The following GLIS3 variants were observed in gnomAD, a reference collection of about 807,000 sequenced individuals.
The protein encoded by GLIS3 is zinc finger protein GLIS3.
GLIS3 carries 53 observed loss-of-function variants against 78.6 expected under a neutral mutation model. That is an observed-to-expected ratio of 0.67 (90% CI 0.54 to 0.85). The LOEUF (loss-of-function observed/expected upper bound fraction) is 0.85, where lower values mean the gene tolerates loss of function less well. GLIS3 is among the 40% of genes least tolerant of loss of function. GLIS3 has a pLI of 0.00. For synonymous variants in GLIS3, 684 were observed against 509.9 expected (o/e 1.34, Z -4.60); for missense variants, 1,703 against 1,231.1 (o/e 1.38, Z -5.74).
intron 4 of GLIS3, among the ~76,000 whole-genome samples, chr9:4,056,456 T>C (rs1452026498): frequency 6.6e-6 from 1 of 152,166 alleles, no homozygotes; most frequent in East Asian, 1.9e-4. Flanking sequence ...CCATTTAGAA[T>C]TGAAAGTTTC....
chr9:4,179,592 A>G (rs1374678100), intron 2 of GLIS3, among the ~76,000 whole-genome samples: 1 of 152,156 alleles, frequency 6.6e-6, no homozygotes, highest in African/African-American at 2.4e-5. Flanking sequence ...AAGAAATATA[A>G]GCCTTTAAAG....
chr9:4,151,435 G>C (rs943133539), intron 2 of GLIS3, among the ~76,000 whole-genome samples: 2 of 152,194 alleles, frequency 1.3e-5, no homozygotes, highest in Non-Finnish European at 2.9e-5. Flanking sequence ...ATCTGCCACT[G>C]AACCAACATT....
intron 4 of GLIS3, among the ~76,000 whole-genome samples, chr9:4,100,064 G>A (rs1203704150): frequency 6.6e-6 from 1 of 152,182 alleles, no homozygotes; most frequent in Non-Finnish European, 1.5e-5. Flanking sequence ...ACATACTACA[G>A]AAGAATGTTT....
intron 4 of GLIS3, among the ~76,000 whole-genome samples, chr9:4,095,572 G>A (rs1412332237): frequency 6.6e-6 from 1 of 152,142 alleles, no homozygotes; most frequent in Non-Finnish European, 1.5e-5. Context: ...AAGAGTCTGG[G>A]CCTAAGAAAG....
intron 2 of GLIS3, among the ~76,000 whole-genome samples, chr9:4,232,004 T>C (rs1466537913): frequency 6.6e-6 from 1 of 152,160 alleles, no homozygotes; most frequent in Non-Finnish European, 1.5e-5. Context: ...GAAAAATAAT[T>C]TCACTCAACA....
chr9:4,345,461 A>G (rs73388132), intron 2 of GLIS3, among the ~76,000 whole-genome samples: 2 of 152,186 alleles, frequency 1.3e-5, no homozygotes, highest in Non-Finnish European at 2.9e-5. Flanking sequence ...ATGCAAGTTC[A>G]TGAGGTCATT....
chr9:4,214,304 G>A (rs940887682), intron 2 of GLIS3, among the ~76,000 whole-genome samples: 1 of 152,226 alleles, frequency 6.6e-6, no homozygotes, highest in African/African-American at 2.4e-5. Flanking sequence ...AGCTATCAAT[G>A]TGTCAAACGG....
At chr9:4,251,683 T>C (rs779786515) in intron 2 of GLIS3, among the ~76,000 whole-genome samples, 2 of 152,330 alleles carry the variant, frequency 1.3e-5, no homozygotes, top group East Asian at 3.9e-4. Context: ...CATTAGTTGA[T>C]GCAGTTTCTT....
chr9:4,460,147 G>A, the GLIS3 span, among the ~76,000 whole-genome samples: 1 of 151,956 alleles, frequency 6.6e-6, no homozygotes, highest in Non-Finnish European at 1.5e-5. Context: ...GCTCGGTGGT[G>A]GACCAGTCAA....
chr9:4,334,504 G>C (rs1053607824), intron 2 of GLIS3, among the ~76,000 whole-genome samples: 1 of 152,210 alleles, frequency 6.6e-6, no homozygotes, highest in Non-Finnish European at 1.5e-5. Flanking sequence ...GTCCAAGCTA[G>C]GGCAGACTTT....
intron 4 of GLIS3, among the ~76,000 whole-genome samples, chr9:3,999,598 G>C (rs914290432): frequency 6.6e-6 from 1 of 151,852 alleles, no homozygotes; most frequent in Admixed American, 6.6e-5. Context: ...TTCATTGAAA[G>C]ACATTAACAA....
intron 2 of GLIS3, among the ~76,000 whole-genome samples, chr9:4,136,276 A>G (rs1031818852): frequency 1.3e-5 from 2 of 152,220 alleles, no homozygotes; most frequent in Non-Finnish European, 2.9e-5. Flanking sequence ...TCATAGAGAC[A>G]GGAGCTCAGA....
chr9:3,850,933 C>A (rs1050808521), intron 9 of GLIS3, among the ~76,000 whole-genome samples: 1 of 152,238 alleles, frequency 6.6e-6, no homozygotes, highest in South Asian at 2.1e-4. Context: ...CTTCTACAGA[C>A]CCTTCTTTGA....
chr9:4,479,326 G>T, the GLIS3 span, among the ~76,000 whole-genome samples: 1 of 152,196 alleles, frequency 6.6e-6, no homozygotes. Flanking sequence ...AGATCCTGGT[G>T]TCCAGAGCAT....
chr9:3,931,754 T>C (rs1203395263), intron 6 of GLIS3, among the ~76,000 whole-genome samples: 1 of 152,208 alleles, frequency 6.6e-6, no homozygotes, highest in African/African-American at 2.4e-5. Context: ...TCTAAGATAT[T>C]ATGATTTTTA....
At chr9:4,356,851 G>GA in the GLIS3 span, among the ~76,000 whole-genome samples, 9 of 152,188 alleles carry the variant, frequency 5.9e-5, no homozygotes, top group Admixed American at 1.3e-4. Context: ...ATGTTTGCAA[G>GA]ATTACACATG....
chr9:4,022,940 C>A (rs1266887333), intron 4 of GLIS3, among the ~76,000 whole-genome samples: 1 of 152,166 alleles, frequency 6.6e-6, no homozygotes, highest in Non-Finnish European at 1.5e-5. Flanking sequence ...AAAAAAGAGA[C>A]ATGAGGCAAC....
chr9:4,154,223 T>G (rs1048983465), intron 2 of GLIS3, among the ~76,000 whole-genome samples: 1 of 152,100 alleles, frequency 6.6e-6, no homozygotes, highest in African/African-American at 2.4e-5. Context: ...TTGGAACCCA[T>G]GCAAATTCAA....
At chr9:4,409,671 A>G in the GLIS3 span, among the ~76,000 whole-genome samples, 8 of 152,248 alleles carry the variant, frequency 5.3e-5, no homozygotes, top group African/African-American at 1.9e-4. Context: ...CTAGATGCAA[A>G]TAGTCATTTG....
Sources: allele counts gnomAD v4.1 joint callset (sites outside exome capture counted in the v4.1 genomes callset), GRCh38; gene constraint gnomAD v4.1.1; transcripts MANE v1.5; gene names NCBI Gene and HGNC (gene_info 2026-07-23, HGNC 2026-07-21).